Variants in FAM193A observed in about 807,000 individuals in gnomAD.
The protein encoded by FAM193A is protein FAM193A.
FAM193A carries 22 observed loss-of-function variants against 126.5 expected under a neutral mutation model. The ratio of observed to expected loss-of-function variants is 0.17; its 90% CI spans 0.12 to 0.25. The LOEUF (loss-of-function observed/expected upper bound fraction) is 0.25. Ranked by LOEUF, FAM193A falls within the 10% of genes least tolerant of loss-of-function variation. The pLI, the probability that FAM193A is intolerant of heterozygous loss-of-function variation, is 1.00. For synonymous variants in FAM193A, 761 were observed against 646.8 expected, an observed-to-expected ratio of 1.18 and a Z score of -2.68; for missense variants, 1,675 against 1,672.8, an observed-to-expected ratio of 1.00 and a Z score of -0.02.
intron 1 of FAM193A, among the ~76,000 whole-genome samples, chr4:2,575,078 T>A (rs1739509018): frequency 6.6e-6 from 1 of 152,160 alleles, no homozygotes; most frequent in Non-Finnish European, 1.5e-5. Context: ...AAGGCAGCAC[T>A]AGGCCTTCCA....
At chr4:2,698,798 G>A (rs1006357658) in intron 18 of FAM193A, among the ~76,000 whole-genome samples, 2 of 152,142 alleles carry the variant, frequency 1.3e-5, no homozygotes, top group Admixed American at 1.3e-4. Flanking sequence ...CTCAAATGCT[G>A]TCTTTACTTG....
At chr4:2,629,874 G>A (rs986169272) in intron 4 of FAM193A, among the ~76,000 whole-genome samples, 2 of 152,194 alleles carry the variant, frequency 1.3e-5, no homozygotes, top group African/African-American at 4.8e-5. Flanking sequence ...GCTCACGCCT[G>A]TAAGTCCCAG....
At chr4:2,642,359 A>G (rs1744723047) in intron 6 of FAM193A, among the ~76,000 whole-genome samples, 2 of 152,110 alleles carry the variant, frequency 1.3e-5, no homozygotes, top group South Asian at 4.1e-4. Context: ...GCCAGCTGGC[A>G]GGTGGGCTGC....
In FAM193A at chr4:2,707,879, G is replaced by C. The variant is rs146826510; in HGVS notation, c.4372+7335G>C. ...TTCTCATGCCCCACCCTCCCGAGTAGCTGGAATTACAGGTGCCGCACCAGC... is the reference window on the plus strand; with the variant it reads ...TTCTCATGCCCCACCCTCCCGAGTACCTGGAATTACAGGTGCCGCACCAGC... On this transcript the variant is annotated intron_variant, in intron 19 of 20. Coordinates refer to ENST00000637812, the MANE Select transcript of FAM193A (RefSeq NM_001366318.2). Among the ~76,000 whole-genome samples the C allele has an allele frequency of 8.2e-3, 1,251 of 151,936 alleles. 19 individuals carry two copies. The highest frequency in any genetic ancestry group is 0.013 in the Non-Finnish European group (897 of 67,946).
At chr4:2,590,790 G>A (rs910883274) in intron 1 of FAM193A, among the ~76,000 whole-genome samples, 2 of 152,068 alleles carry the variant, frequency 1.3e-5, no homozygotes, top group African/African-American at 4.8e-5. Flanking sequence ...CATTGTGAGA[G>A]GCCGAGGCGG....
intron 7 of FAM193A, among the ~76,000 whole-genome samples, chr4:2,651,643 T>G (rs1328314713): frequency 6.6e-6 from 1 of 152,150 alleles, no homozygotes; most frequent in Admixed American, 6.6e-5. Context: ...GATTACAGTT[T>G]GACATGAGAT....
At position 2,650,258 on chromosome 4, in the gene FAM193A, G is replaced by A. The variant is rs544440404; in HGVS notation, c.1311+3426G>A. 1.1e-4 allele frequency among the ~76,000 whole-genome samples: 16 copies of A among 152,220 alleles called. 1 individual carries two copies. In the South Asian group the frequency reaches 3.3e-3, roughly 32 times the overall value. ...TGGAAAAGTTGTCTTCCATGAAATC[G>A]GTCCCTGGTCCTAAAAAGGTTGGGG... On this transcript the variant is annotated intron_variant, in intron 7 of 20. Coordinates refer to ENST00000637812, the MANE Select transcript of FAM193A (RefSeq NM_001366318.2).
At chr4:2,590,855 G>A (rs373660181) in intron 1 of FAM193A, among the ~76,000 whole-genome samples, 3 of 150,818 alleles carry the variant, frequency 2.0e-5, no homozygotes, top group African/African-American at 4.9e-5. Context: ...GTGAAACCCC[G>A]TCTCTACTAA....
At position 2,700,019 on chromosome 4, in the gene FAM193A, CA is replaced by C; in HGVS notation, c.3848del (p.His1283ProfsTer8). Reference sequence around the variant, plus strand: ...TCACTCCCCATCCAGGCATATGAACCACTCAGAGCCCAGGCCAGGGCTAGGG... The same window carrying C: ...TCACTCCCCATCCAGGCATATGAACCCTCAGAGCCCAGGCCAGGGCTAGGG... ...SSHSPSRHMNHSEPRPGLGAD... is the reference protein window; with the variant it reads ...SSHSPSRHMNXSEPRPGLGAD... On this transcript the variant is annotated frameshift_variant, in exon 19 of 21. Transcript: ENST00000637812. LOFTEE classifies it high-confidence loss of function. 6.2e-7 allele frequency: 1 copy of C among 1,613,916 alleles called. No homozygotes were observed. The highest frequency in any genetic ancestry group is 8.5e-7 in the Non-Finnish European group (1 of 1,179,996).
intron 2 of FAM193A, among the ~76,000 whole-genome samples, chr4:2,623,194 C>CG (rs1385577111): frequency 6.7e-6 from 1 of 150,356 alleles, no homozygotes; most frequent in Non-Finnish European, 1.5e-5. Context: ...TTTTTTGAGA[C>CG]GGAGTCTTGC....
intron 20 of FAM193A, among the ~76,000 whole-genome samples, chr4:2,729,331 G>A (rs1560628445): frequency 6.6e-6 from 1 of 152,132 alleles, no homozygotes; most frequent in Non-Finnish European, 1.5e-5. Context: ...TCCCTCCCAA[G>A]TGCTAGCAGG....
At position 2,639,824 on chromosome 4, in the gene FAM193A, T is replaced by A. The variant is rs1744438835; in HGVS notation, c.1128T>A (p.Leu376=). 6.2e-7 allele frequency: 1 copy of A among 1,614,160 alleles called. No homozygotes were observed. Among genetic ancestry groups the A allele is most frequent in the East Asian group, 2.2e-5 (1 of 44,876 alleles). Residue 376 remains leucine, a synonymous_variant, in exon 6 of 21, where the codon CTT becomes CTA. Coordinates refer to ENST00000637812, the MANE Select transcript of FAM193A (RefSeq NM_001366318.2). The part of the protein sequence containing the change: ...FENLVFSEPL[L]QSNLPALVSQ... ...ATCTGGTCTTTTCGGAGCCACTTCT[T>A]CAGAGCAACTTGCCCGCACTGGTGT...
chr4:2,661,231 C>T (rs1313857111), intron 10 of FAM193A, among the ~76,000 whole-genome samples: 1 of 152,180 alleles, frequency 6.6e-6, no homozygotes, highest in Non-Finnish European at 1.5e-5. Flanking sequence ...AGCTTGTGAT[C>T]AATGTCTTCC....
intron 1 of FAM193A, among the ~76,000 whole-genome samples, chr4:2,583,058 TCC>T (rs1463543585): frequency 1.3e-5 from 2 of 152,238 alleles, no homozygotes; most frequent in African/African-American, 4.8e-5. Flanking sequence ...AACCTCCACC[TCC>T]CGGGTTCAAG....
rs116239815 is a variant in FAM193A, at chr4:2,567,352, T to C, written c.256-28732T>C. ...TTCATAATTTAGCAAGTGCAGCCAA[T>C]GATATACTTCTACTTCGCTATATGT... On this transcript the variant is annotated intron_variant, in intron 1 of 20. Coordinates refer to ENST00000637812, the MANE Select transcript of FAM193A (RefSeq NM_001366318.2). Among the ~76,000 whole-genome samples, 660 of 152,324 alleles carry C rather than the reference T, an allele frequency of 4.3e-3. 3 individuals carry two copies. Among genetic ancestry groups the C allele is most frequent in the African/African-American group, 0.015 (637 of 41,582 alleles).
chr4:2,651,594 C>T (rs1451700208), intron 7 of FAM193A, among the ~76,000 whole-genome samples: 2 of 152,178 alleles, frequency 1.3e-5, no homozygotes, highest in African/African-American at 2.4e-5. Context: ...CCCCCATGAT[C>T]CCATCACCTC....
chr4:2,549,082 G>A (rs1264403964), intron 1 of FAM193A, among the ~76,000 whole-genome samples: 1 of 150,266 alleles, frequency 6.7e-6, no homozygotes, highest in Admixed American at 6.7e-5. Context: ...GAATTAACAG[G>A]CGTGTGCCAT....
At chr4:2,679,696 T>C (rs949456905) in intron 13 of FAM193A, among the ~76,000 whole-genome samples, 2 of 151,950 alleles carry the variant, frequency 1.3e-5, no homozygotes, top group African/African-American at 4.8e-5. Context: ...TTTCTTACAG[T>C]GTCTTTGGCT....
At chr4:2,619,377 A>G (rs533170338) in intron 2 of FAM193A, among the ~76,000 whole-genome samples, 54 of 151,826 alleles carry the variant, frequency 3.6e-4, no homozygotes, top group African/African-American at 1.2e-3. Context: ...ATCTCGGCTC[A>G]CTGCAACCTC....
Sources: gnomAD v4.1 joint callset for allele counts (sites outside exome capture counted in the v4.1 genomes callset) on GRCh38, gnomAD v4.1.1 for gene constraint, MANE v1.5 for transcripts, NCBI Gene and HGNC (gene_info 2026-07-23, HGNC 2026-07-21) for gene names.